Variants in ZNF700 observed in about 807,000 individuals in gnomAD.
ZNF700 encodes zinc finger protein 700.
A neutral mutation model predicts 65.3 loss-of-function variants in ZNF700; 38 were observed. The ratio of observed to expected loss-of-function variants is 0.58; its 90% confidence interval spans 0.45 to 0.76. ZNF700 has a LOEUF of 0.76. ZNF700 is among the 30% of genes least tolerant of loss of function. The probability of loss-of-function intolerance (pLI) is 0.00; values close to 1 mark genes in which losing one functional copy is unlikely to be tolerated. For synonymous variants in ZNF700, 285 were observed against 290.4 expected (o/e 0.98, Z 0.19); for missense variants, 857 against 888.4 (o/e 0.96, Z 0.45).
In ZNF700 at chr19:11,950,151, C is replaced by T. The variant is rs116643979; in HGVS notation, c.2127C>T (p.Cys709=). Residue 709 remains cysteine, a synonymous_variant, in exon 4 of 4, where the codon TGC becomes TGT. Coordinates refer to ENST00000254321, the MANE Select transcript of ZNF700 (RefSeq NM_144566.3). The part of the protein sequence containing the change: ...IGEKHYECKE[C]GKAFNYFSSL... ...AGAAACACTATGAATGTAAGGAATGCGGAAAAGCATTCAATTATTTTTCTT... is the reference window on the plus strand; with the variant it reads ...AGAAACACTATGAATGTAAGGAATGTGGAAAAGCATTCAATTATTTTTCTT... 760 of 1,613,732 alleles carry T rather than the reference C, an allele frequency of 4.7e-4. 1 individual carries two copies. The African/African-American group carries it at 6.3e-3, about 13-fold the overall frequency.
chr19:11,927,213 G>A (rs1295613238), intron 1 of ZNF700, among the ~76,000 whole-genome samples: 2 of 151,996 alleles, frequency 1.3e-5, no homozygotes, highest in East Asian at 1.9e-4. Context: ...AATTAGCCGG[G>A]TGTGGTGGCC....
intron 1 of ZNF700, among the ~76,000 whole-genome samples, chr19:11,929,981 T>C (rs2145273857): frequency 1.3e-5 from 2 of 148,246 alleles, no homozygotes; most frequent in South Asian, 4.2e-4. Context: ...CTCCTATCTT[T>C]TCCAGATTTT....
At chr19:11,933,085 C>T (rs1356277576) in intron 1 of ZNF700, among the ~76,000 whole-genome samples, 4 of 147,688 alleles carry the variant, frequency 2.7e-5, no homozygotes, top group Non-Finnish European at 5.9e-5. Flanking sequence ...TCCAGAGTTC[C>T]CTCATTTTTC....
At chr19:11,939,688 T>C (rs1179056458) in intron 1 of ZNF700, among the ~76,000 whole-genome samples, 4 of 152,208 alleles carry the variant, frequency 2.6e-5, no homozygotes, top group Non-Finnish European at 5.9e-5. Context: ...CTCAAACTGC[T>C]GACCTCCATA....
intron 2 of ZNF700, 71 bp downstream of exon 2, chr19:11,947,378 G>A: frequency 6.2e-7 from 1 of 1,608,916 alleles, no homozygotes; most frequent in South Asian, 1.1e-5. Context: ...ATGCTGTTGA[G>A]TGATTTTGAA....
intron 1 of ZNF700, among the ~76,000 whole-genome samples, chr19:11,939,019 G>A (rs1972839563): frequency 6.6e-6 from 1 of 152,190 alleles, no homozygotes; most frequent in South Asian, 2.1e-4. Context: ...CTGCATAAAT[G>A]TCTTCTTTTG....
chr19:11,948,937 C>A lies in ZNF700; in HGVS notation c.913C>A (p.Pro305Thr). ...RHERSHMGEK[P>T]YQCKECGKAF... is the part of the protein sequence containing the mutation. ...TGAAAGAAGTCACATGGGAGAGAAGCCTTATCAATGCAAAGAATGTGGAAA... is the reference window on the plus strand; with the variant it reads ...TGAAAGAAGTCACATGGGAGAGAAGACTTATCAATGCAAAGAATGTGGAAA... Residue 305 changes from proline (P) to threonine (T), a missense_variant, in exon 4 of 4, where the codon CCT (proline) becomes ACT (threonine). Physicochemically the swap from Pro to Thr is conservative, Grantham distance 38 (BLOSUM62 -1). Coordinates refer to ENST00000254321, the MANE Select transcript of ZNF700 (RefSeq NM_144566.3). 6.2e-7 allele frequency: 1 copy of A among 1,608,328 alleles called. No homozygotes were observed. The highest frequency in any genetic ancestry group is 2.2e-5 in the East Asian group (1 of 44,854).
At chr19:11,947,941 T>A (rs1972987886) in intron 3 of ZNF700, among the ~76,000 whole-genome samples, 1 of 152,158 alleles carries the variant, frequency 6.6e-6, no homozygotes, top group South Asian at 2.1e-4. Context: ...CTTCAGGAGT[T>A]AAAGGCTGCA....
At chr19:11,927,847 G>A (rs905017294) in intron 1 of ZNF700, among the ~76,000 whole-genome samples, 1 of 152,192 alleles carries the variant, frequency 6.6e-6, no homozygotes, top group Non-Finnish European at 1.5e-5. Flanking sequence ...CTGACAAGGA[G>A]TGTTTCTTGT....
At chr19:11,927,860 G>T (rs1269783710) in intron 1 of ZNF700, among the ~76,000 whole-genome samples, 1 of 152,186 alleles carries the variant, frequency 6.6e-6, no homozygotes, top group Admixed American at 6.6e-5. Flanking sequence ...TTTCTTGTTA[G>T]TGTCAAGATG....
Position 11,947,509 on chromosome 19 carries a change from T to C in ZNF700, c.191-5T>C. On this transcript the variant is annotated splice_polypyrimidine_tract_variant and splice_region_variant and intron_variant, in intron 2 of 3. Coordinates refer to ENST00000254321, the MANE Select transcript of ZNF700 (RefSeq NM_144566.3). ...CAGGACTATTTTTCTGTGTCTGTAT[T>C]TTAGGAAAAAAATGGAGTGACCAGA... 6.2e-7 allele frequency: 1 copy of C among 1,612,034 alleles called. No individual in the cohort carries two copies. Among genetic ancestry groups the C allele is most frequent in the Non-Finnish European group, 8.5e-7 (1 of 1,179,584 alleles).
At position 11,948,833 on chromosome 19, in the gene ZNF700, G is replaced by T. The variant is rs1599295178; in HGVS notation, c.809G>T (p.Arg270Ile). Reference protein sequence around the residue: ...TYSATLQIHERTHTGEKPYEC... With the variant: ...TYSATLQIHEITHTGEKPYEC... ...TCTGCTACCCTTCAAATACATGAAA[G>T]AACTCACACTGGGGAGAAGCCCTAT... The change falls in exon 4 of 4, where the codon AGA becomes ATA. Residue 270 changes from arginine to isoleucine, a missense_variant. Physicochemically the swap from Arg to Ile is moderately conservative, Grantham distance 97 (BLOSUM62 -3). Around this residue, in one of 3 missense-constraint regions of ZNF700, gnomAD observed 603 missense variants for 619.9 expected, o/e 0.97. Transcript: ENST00000254321. The T allele has an allele frequency of 1.9e-6, 3 of 1,609,292 alleles. No homozygotes were observed. The East Asian group carries it at 6.7e-5, about 36-fold the overall frequency.
intron 1 of ZNF700, 61 bp from the exon 2 acceptor site, chr19:11,947,120 G>T (rs1002801609): frequency 2.5e-6 from 4 of 1,588,166 alleles, no homozygotes; most frequent in Non-Finnish European, 3.4e-6. Flanking sequence ...TGGGAATAGA[G>T]TCTAGGCCTC....
chr19:11,950,367 TCA>T lies in ZNF700; in HGVS notation c.*118_*119del. The T allele has an allele frequency of 9.2e-7, 1 of 1,092,404 alleles. No individual in the cohort carries two copies. The highest frequency in any genetic ancestry group is 1.4e-6 in the Non-Finnish European group (1 of 732,246). 67.7% of individuals were successfully genotyped at this position (1,092,404 alleles called of 1,614,324 possible). A position where few individuals can be genotyped will look rare whatever the true frequency, so the allele number is the denominator to read the frequency against. On this transcript the variant is annotated 3_prime_UTR_variant, in exon 4 of 4. Coordinates refer to ENST00000254321, the MANE Select transcript of ZNF700 (RefSeq NM_144566.3). ...GTTCTTTTCGATATCATGAAAGGAC[TCA>T]CACTGGGGAGAAACCCTATCAATGT...
In ZNF700 at chr19:11,949,852, C is replaced by A. The variant is rs1031350184; in HGVS notation, c.1828C>A (p.His610Asn). Residue 610 changes from histidine to asparagine, a missense_variant, in exon 4 of 4, where the codon CAT becomes AAT. His to Asn is a moderately conservative substitution (Grantham distance 68). Transcript: ENST00000254321. ...AFSCASNLRK[H>N]GRTHTGEKPY... ...CAGTTGTGCCTCAAACCTTCGAAAGCATGGTAGGACTCACACTGGAGAGAA... is the reference window on the plus strand; with the variant it reads ...CAGTTGTGCCTCAAACCTTCGAAAGAATGGTAGGACTCACACTGGAGAGAA... The A allele has an allele frequency of 2.5e-6, 4 of 1,613,946 alleles. No individual in the cohort carries two copies. The highest frequency in any genetic ancestry group is 3.4e-6 in the Non-Finnish European group (4 of 1,179,968).
intron 1 of ZNF700, among the ~76,000 whole-genome samples, chr19:11,942,263 A>G (rs184524211): frequency 9.9e-5 from 15 of 151,452 alleles, no homozygotes; most frequent in Admixed American, 7.9e-4. Context: ...TTGGCTAGCT[A>G]TCTGCCTTCT....
Position 11,950,632 on chromosome 19 carries a change from G to T in ZNF700, c.*379G>T. ...AAACTCTATGAATGTAAGCAGTATGGGAAAGCCTTCAGATCTGCCAAGATT... is the reference window on the plus strand; with the variant it reads ...AAACTCTATGAATGTAAGCAGTATGTGAAAGCCTTCAGATCTGCCAAGATT... On this transcript the variant is annotated 3_prime_UTR_variant, in exon 4 of 4. Transcript: ENST00000254321. 2.6e-6 allele frequency: 1 copy of T among 381,226 alleles called. No individual in the cohort carries two copies. The highest frequency in any genetic ancestry group is 6.4e-5 in the East Asian group (1 of 15,530). The allele number at this position is 381,226 out of a possible 1,614,324, so 23.6% of individuals were successfully genotyped here.
chr19:11,945,289 A>T (rs1274494518), intron 1 of ZNF700, among the ~76,000 whole-genome samples: 2 of 152,216 alleles, frequency 1.3e-5, no homozygotes, highest in African/African-American at 2.4e-5. Flanking sequence ...CACAGTCTGC[A>T]GAACCCTACT....
intron 1 of ZNF700, among the ~76,000 whole-genome samples, chr19:11,930,038 A>G (rs1972690549): frequency 6.8e-6 from 1 of 147,938 alleles, no homozygotes; most frequent in South Asian, 2.1e-4. Context: ...CACAATTGCC[A>G]TGTCTCTTGG....
Sources: gnomAD v4.1 joint callset for allele counts (sites outside exome capture counted in the v4.1 genomes callset) on GRCh38, gnomAD v4.1.1 for gene constraint, gnomAD v4.1.1 regional missense constraint, MANE v1.5 for transcripts, NCBI Gene and HGNC (gene_info 2026-07-23, HGNC 2026-07-21) for gene names.